Variants in CIZ1 observed in about 807,000 individuals in gnomAD.
CIZ1 encodes cip1-interacting zinc finger protein.
In CIZ1, 58 loss-of-function variants were observed where a neutral mutation model predicts 118.6. The observed-to-expected ratio is 0.49, with a 90% CI of 0.40 to 0.61. The LOEUF is 0.61. Among genes scored for constraint, CIZ1 ranks in the 20% least tolerant of loss-of-function variants. CIZ1 has a pLI of 0.00. For missense variants in CIZ1, 921 were observed against 1,115.9 expected (o/e 0.83, Z 2.49); for synonymous variants, 448 against 443.4 (o/e 1.01, Z -0.13).
intron 11 of CIZ1, among the ~76,000 whole-genome samples, chr9:128,174,772 C>T (rs1830658930): frequency 7.5e-6 from 1 of 132,590 alleles, no homozygotes; most frequent in Non-Finnish European, 1.6e-5. Context: ...AATTCTCCTG[C>T]CTCAGCCTCC....
chr9:128,168,923 A>C, intron 14 of CIZ1, 129 bp downstream of exon 14: 1 of 1,275,348 alleles, frequency 7.8e-7, no homozygotes. Flanking sequence ...AGTTGACAGT[A>C]ATCAGTTGTG....
intron 7 of CIZ1, 147 bp from the exon 8 acceptor site, chr9:128,179,562 CAGG>C: frequency 1.5e-6 from 1 of 681,974 alleles, no homozygotes; most frequent in Non-Finnish European, 2.4e-6. Flanking sequence ...CATTTGAGGT[CAGG>C]AGTTCCAGAT....
At chr9:128,174,823 T>A (rs1043508439) in intron 11 of CIZ1, among the ~76,000 whole-genome samples, 4 of 152,136 alleles carry the variant, frequency 2.6e-5, no homozygotes, top group African/African-American at 9.7e-5. Flanking sequence ...CATGCCCAGC[T>A]AATTTTGTAT....
chr9:128,169,837 G>T, intron 12 of CIZ1, 183 bp downstream of exon 12: 1 of 1,036,308 alleles, frequency 9.6e-7, no homozygotes, highest in Non-Finnish European at 1.4e-6. Context: ...GGCCTACACT[G>T]GACAGATGGG....
intron 5 of CIZ1, among the ~76,000 whole-genome samples, chr9:128,181,265 G>A (rs1459084092): frequency 6.6e-6 from 1 of 152,140 alleles, no homozygotes; most frequent in African/African-American, 2.4e-5. Flanking sequence ...ACAGGCACAC[G>A]CCACCACGCC....
intron 4 of CIZ1, among the ~76,000 whole-genome samples, chr9:128,186,238 C>T (rs1048128177): frequency 6.6e-6 from 1 of 152,056 alleles, no homozygotes; most frequent in African/African-American, 2.4e-5. Context: ...TCCCTCGGCC[C>T]AGCAGGTTTC....
In CIZ1 at chr9:128,185,383, C is replaced by T. The variant is rs904763771; in HGVS notation, c.588+164G>A. Among the ~76,000 whole-genome samples the T allele has an allele frequency of 3.3e-5, 5 of 152,274 alleles. No homozygotes were observed. The East Asian group carries it at 5.8e-4, about 18-fold the overall frequency. ...AAAAGAATATTTGAAGTTTGGGAAA[C>T]GCTAAACAAGTCCATTCCCGCCCCC... On this transcript the variant is annotated intron_variant, in intron 5 of 16. Coordinates refer to ENST00000372938, the MANE Select transcript of CIZ1 (RefSeq NM_001131016.2).
At position 128,203,718 on chromosome 9, in the gene CIZ1, C is replaced by T. The variant is rs1288475598; in HGVS notation, c.-6+468G>A. The T allele has an allele frequency of 8.7e-6, 11 of 1,271,452 alleles. No individual in the cohort carries two copies. The highest frequency in any genetic ancestry group is 8.4e-5 in the Admixed American group (2 of 23,740). The allele number at this position is 1,271,452 out of a possible 1,614,324, so 78.8% of individuals were successfully genotyped here. On this transcript the variant is annotated intron_variant, in intron 1 of 17. Coordinates refer to the CIZ1 transcript ENST00000372948. The surrounding 1 kb of genome is among the most constrained non-coding windows in gnomAD (Gnocchi z 5.3). ...CGGGGCACTGACGGCGCGGCGACCT[C>T]GCAGCCCCCGACGCTGCACCCGCGG...
intron 7 of CIZ1, among the ~76,000 whole-genome samples, chr9:128,179,621 C>T (rs1831313869): frequency 6.6e-6 from 1 of 152,086 alleles, no homozygotes; most frequent in South Asian, 2.1e-4. Context: ...GTGTGAGCCA[C>T]CGCGCCCAGC....
intron 1 of CIZ1, chr9:128,197,324 A>G (rs1258702166): frequency 1.3e-5 from 2 of 152,290 alleles, no homozygotes; most frequent in Non-Finnish European, 2.9e-5. Context: ...CACCCTACAG[A>G]GGCAAGTTCC....
chr9:128,190,802 T>A lies in CIZ1; in HGVS notation c.56A>T (p.Gln19Leu). Reference protein sequence around the residue: ...QLQQQQQQLQQLQQQQLQQQQ... With the variant: ...QLQQQQQQLQLLQQQQLQQQQ... ...CTGCTGGAGCTGCTGCTGCTGTAAC[T>A]GCTGGAGCTGCTGCTGCTGTTGCTG... Residue 19 changes from glutamine (Q) to leucine (L), a missense_variant, in exon 2 of 17, where the codon CAG (glutamine) becomes CTG (leucine). Coordinates refer to ENST00000372938, the MANE Select transcript of CIZ1 (RefSeq NM_001131016.2). 6.5e-7 allele frequency: 1 copy of A among 1,540,100 alleles called. No homozygotes were observed. Among genetic ancestry groups the A allele is most frequent in the Non-Finnish European group, 8.7e-7 (1 of 1,143,256 alleles).
Position 128,190,819 on chromosome 9 carries a change from C to A in CIZ1, c.39G>T (p.Gln13His). The A allele has an allele frequency of 6.5e-7, 1 of 1,538,804 alleles. No homozygotes were observed. Reference protein sequence around the residue: ...SQQQQQQLQQQQQQLQQLQQQ... With the variant: ...SQQQQQQLQQHQQQLQQLQQQ... Reference sequence around the variant, plus strand: ...GCTGTAACTGCTGGAGCTGCTGCTGCTGTTGCTGGAGCTGCTGCTGCTGCT... The same window carrying A: ...GCTGTAACTGCTGGAGCTGCTGCTGATGTTGCTGGAGCTGCTGCTGCTGCT... Residue 13 changes from glutamine to histidine, a missense_variant, in exon 2 of 17, where the codon CAG (glutamine) becomes CAT (histidine). Gln to His is a conservative substitution (Grantham distance 24). Transcript: ENST00000372938.
In CIZ1 at chr9:128,185,595, G is replaced by A; in HGVS notation, c.540C>T (p.Asn180=). The change falls in exon 5 of 17, where the codon AAC becomes AAT. Residue 180 remains asparagine (N), a synonymous_variant. Transcript: ENST00000372938. ...NPSQFNLSGR[N]PQKQARTSSS... Reference sequence around the variant, plus strand: ...AGGAGGTCCGGGCCTGTTTCTGGGGGTTCCGTCCTGAAAGGTTGAACTGGG... The same window carrying A: ...AGGAGGTCCGGGCCTGTTTCTGGGGATTCCGTCCTGAAAGGTTGAACTGGG... 1 of 1,534,118 alleles carries A rather than the reference G, an allele frequency of 6.5e-7. No individual in the cohort carries two copies. The highest frequency in any genetic ancestry group is 8.8e-7 in the Non-Finnish European group (1 of 1,140,302).
chr9:128,190,836 G>A lies in CIZ1; in HGVS notation c.22C>T (p.Gln8Ter), dbSNP rs1458282226. 13 of 1,541,452 alleles carry A rather than the reference G, an allele frequency of 8.4e-6. No homozygotes were observed. Among genetic ancestry groups the A allele is most frequent in the Non-Finnish European group, 9.6e-6 (11 of 1,146,342 alleles). Residue 8 changes from glutamine to a stop codon, truncating the protein, a stop_gained, in exon 2 of 17, where the codon CAG becomes TAG. Coordinates refer to ENST00000372938, the MANE Select transcript of CIZ1 (RefSeq NM_001131016.2). LOFTEE classifies it high-confidence loss of function. MFSQQQQ[Q>*]QLQQQQQQLQ... ...TGCTGCTGCTGTTGCTGGAGCTGCT[G>A]CTGCTGCTGCTGGCTGAACATGGTG... is the stretch of plus-strand genomic sequence containing the variant.
At chr9:128,168,268 C>T (rs1347997992) in intron 14 of CIZ1, among the ~76,000 whole-genome samples, 2 of 152,206 alleles carry the variant, frequency 1.3e-5, no homozygotes, top group Admixed American at 6.5e-5. Flanking sequence ...GTAATCCCAG[C>T]ACTTTGGTAG....
At position 128,180,755 on chromosome 9, in the gene CIZ1, C is replaced by T. The variant is rs770698392; in HGVS notation, c.648G>A (p.Glu216=). The T allele has an allele frequency of 3.1e-6, 5 of 1,609,938 alleles. No individual in the cohort carries two copies. The highest frequency in any genetic ancestry group is 4.2e-6 in the Non-Finnish European group (5 of 1,178,966). The part of the protein sequence containing the change: ...EDKSDPPEGS[E]EAAEPRMDTP... ...TGTCCATCCGGGGCTCTGCGGCTTCCTCAGACCCCTCTGGGGGGTCTGACT... is the reference window on the plus strand; with the variant it reads ...TGTCCATCCGGGGCTCTGCGGCTTCTTCAGACCCCTCTGGGGGGTCTGACT... Residue 216 remains glutamate, a synonymous_variant, in exon 6 of 17, where the codon GAG becomes GAA. Transcript: ENST00000372938.
chr9:128,174,363 T>C (rs1415597523), intron 11 of CIZ1, among the ~76,000 whole-genome samples: 2 of 152,154 alleles, frequency 1.3e-5, no homozygotes, highest in African/African-American at 4.8e-5. Context: ...TGCCCTTCCT[T>C]GGAAGTCACT....
At chr9:128,168,989 T>C in intron 14 of CIZ1, 63 bp downstream of exon 14, 1 of 1,605,066 alleles carries the variant, frequency 6.2e-7, no homozygotes, top group Non-Finnish European at 8.5e-7. Flanking sequence ...GGAGGTGGGA[T>C]GAGGTCTGTC....
Position 128,169,087 on chromosome 9 carries a change from C to T in CIZ1, c.2260G>A (p.Glu754Lys), listed in dbSNP as rs777118148. Residue 754 changes from glutamate to lysine, a missense_variant, in exon 14 of 17, where the codon GAA becomes AAA. Transcript: ENST00000372938. Reference sequence around the variant, plus strand: ...AGTTCCTCCTCAACCTCGATCTCTTCTTCATCCTCATCATCCTCTTCCTCT... The same window carrying T: ...AGTTCCTCCTCAACCTCGATCTCTTTTTCATCCTCATCATCCTCTTCCTCT... ...EEEEEDDEDE[E>K]EIEVEEELCK... 4 of 1,614,106 alleles carry T rather than the reference C, an allele frequency of 2.5e-6. No homozygotes were observed. The highest frequency in any genetic ancestry group is 2.2e-5 in the East Asian group (1 of 44,882).
Sources: gnomAD v4.1 joint callset for allele counts (sites outside exome capture counted in the v4.1 genomes callset) on GRCh38, gnomAD v4.1.1 for gene constraint, Gnocchi (gnomAD v3.1) non-coding constraint, MANE v1.5 for transcripts, NCBI Gene and HGNC (gene_info 2026-07-23, HGNC 2026-07-21) for gene names.